Variants in NAB1 observed in about 807,000 individuals in gnomAD.
NAB1 encodes NGFI-A binding protein 1.
Under a neutral mutation model 49.9 loss-of-function variants are expected in NAB1, and 25 were observed. That is an observed-to-expected ratio of 0.50 (90% CI 0.37 to 0.70). The LOEUF is 0.70. Ranked by LOEUF, NAB1 falls within the 30% of genes least tolerant of loss-of-function variation. NAB1 has a pLI of 0.00. For missense variants in NAB1, 489 were observed against 575.9 expected (o/e 0.85, Z 1.54); for synonymous variants, 198 against 215.6 (o/e 0.92, Z 0.71).
Position 190,649,160 on chromosome 2 carries a change from G to T in NAB1, c.-534G>T. On this transcript the variant is annotated 5_prime_UTR_variant, in exon 1 of 10. Transcript: ENST00000337386. This position sits in a 1 kb window ranked among gnomAD's most constrained non-coding sequence, Gnocchi z 6.1. ...CCAAGCGAGCGCCGTCGGGGCGGGTGGGCGGGAAGAAGCGGCGGGCCCGAG... is the reference window on the plus strand; with the variant it reads ...CCAAGCGAGCGCCGTCGGGGCGGGTTGGCGGGAAGAAGCGGCGGGCCCGAG... 6.7e-6 allele frequency: 1 copy of T among 148,990 alleles called. No homozygotes were observed. The highest frequency in any genetic ancestry group is 1.9e-4 in the South Asian group (1 of 5,342). 9.2% of individuals were successfully genotyped at this position (148,990 alleles called of 1,614,324 possible).
chr2:190,675,939 T>C lies in NAB1; in HGVS notation c.1005+2787T>C, dbSNP rs558869265. Reference sequence around the variant, plus strand: ...AAATATATAGTATTGGTATGAATCCTTGTCTGTGCTGTACTATAAGTCAAA... The same window carrying C: ...AAATATATAGTATTGGTATGAATCCCTGTCTGTGCTGTACTATAAGTCAAA... On this transcript the variant is annotated intron_variant, in intron 6 of 9. Transcript: ENST00000337386. The surrounding 1 kb of genome is among the most constrained non-coding windows in gnomAD (Gnocchi z 5.2). 6.2e-4 allele frequency among the ~76,000 whole-genome samples: 95 copies of C among 152,358 alleles called. No individual in the cohort carries two copies. The highest frequency in any genetic ancestry group is 3.4e-3 in the Middle Eastern group (1 of 294).
At chr2:190,656,431 C>G (rs1693922909) in intron 3 of NAB1, among the ~76,000 whole-genome samples, 1 of 152,186 alleles carries the variant, frequency 6.6e-6, no homozygotes, top group South Asian at 2.1e-4. Context: ...GAAACATTCT[C>G]TTAAAGCAAA....
At chr2:190,688,174 A>G (rs1356843468) in intron 9 of NAB1, among the ~76,000 whole-genome samples, 2 of 152,222 alleles carry the variant, frequency 1.3e-5, no homozygotes, top group East Asian at 3.8e-4. Context: ...GATTTTATAG[A>G]TGAGGTAGCT....
At position 190,678,809 on chromosome 2, in the gene NAB1, A is replaced by G. The variant is rs1183827025; in HGVS notation, c.1006-4929A>G. Among the ~76,000 whole-genome samples, 1 of 152,224 alleles carries G rather than the reference A, an allele frequency of 6.6e-6. No individual in the cohort carries two copies. The highest frequency in any genetic ancestry group is 1.9e-4 in the East Asian group (1 of 5,204). The stretch of plus-strand genomic sequence containing the variant: ...TTCCCCTCTGGATCAGAAAAAACAG[A>G]AGCATTACAATATGCTATTCATACA... On this transcript the variant is annotated intron_variant, in intron 6 of 9. Coordinates refer to ENST00000337386, the MANE Select transcript of NAB1 (RefSeq NM_005966.4). This position sits in a 1 kb window ranked among gnomAD's most constrained non-coding sequence, Gnocchi z 4.9.
rs1001095984 is a variant in NAB1, at chr2:190,685,385, A to G, written c.1096-91A>G. 8.5e-7 allele frequency: 1 copy of G among 1,171,008 alleles called. No individual in the cohort carries two copies. The highest frequency in any genetic ancestry group is 1.2e-6 in the Non-Finnish European group (1 of 846,322). The allele number at this position is 1,171,008 out of a possible 1,614,324, so 72.5% of individuals were successfully genotyped here. ...GAACTAATTTTAATGAATACTAAAT[A>G]TATTTGCTGGAGTCTGAAATTGGCA... On this transcript the variant is annotated intron_variant, in intron 7 of 9. Transcript: ENST00000337386. The surrounding 1 kb of genome is among the most constrained non-coding windows in gnomAD (Gnocchi z 4.5).
Position 190,667,691 on chromosome 2 carries a change from T to G in NAB1, c.820-2635T>G, listed in dbSNP as rs551525232. Among the ~76,000 whole-genome samples the G allele has an allele frequency of 3.2e-4, 49 of 152,272 alleles. No homozygotes were observed. Among genetic ancestry groups the G allele is most frequent in the African/African-American group, 1.1e-3 (47 of 41,552 alleles). The stretch of plus-strand genomic sequence containing the variant: ...CCAAATTAATTGTCTCAGAACAAAT[T>G]AATATAAATTACAGTTATAAATTTG... On this transcript the variant is annotated intron_variant, in intron 4 of 9. Transcript: ENST00000337386. The surrounding 1 kb of genome is among the most constrained non-coding windows in gnomAD (Gnocchi z 4.4).
At chr2:190,660,322 G>A (rs1341885949) in intron 4 of NAB1, among the ~76,000 whole-genome samples, 1 of 152,036 alleles carries the variant, frequency 6.6e-6, no homozygotes, top group East Asian at 1.9e-4. Context: ...AATAAAACTA[G>A]GTTTTAAATA....
chr2:190,661,816 C>T (rs1694242078), intron 4 of NAB1, among the ~76,000 whole-genome samples: 1 of 152,158 alleles, frequency 6.6e-6, no homozygotes, highest in African/African-American at 2.4e-5. Flanking sequence ...GTTACTTGTA[C>T]TCCAGTATGT....
intron 6 of NAB1, among the ~76,000 whole-genome samples, chr2:190,681,935 T>C (rs965403932): frequency 2.6e-5 from 4 of 152,350 alleles, no homozygotes; most frequent in South Asian, 4.1e-4. Flanking sequence ...GCTGCAAATA[T>C]ATAGCTTATC....
In NAB1 at chr2:190,685,648, TA is replaced by T; in HGVS notation, c.1258+11del. On this transcript the variant is annotated intron_variant, in intron 8 of 9. Coordinates refer to ENST00000337386, the MANE Select transcript of NAB1 (RefSeq NM_005966.4). This position sits in a 1 kb window ranked among gnomAD's most constrained non-coding sequence, Gnocchi z 4.5. ...AACTCAGATGGACAAGGTACATCTT[TA>T]GAATATCCTATGCCTTTAGGGCCAC... 1.3e-6 allele frequency: 2 copies of T among 1,590,796 alleles called. No individual in the cohort carries two copies. The highest frequency in any genetic ancestry group is 8.6e-7 in the Non-Finnish European group (1 of 1,168,976).
rs1245723120 is a variant in NAB1 at position 190,655,985 on chromosome 2, A to G, written c.-188A>G. 6.6e-6 allele frequency: 1 copy of G among 152,242 alleles called. No homozygotes were observed. The highest frequency in any genetic ancestry group is 1.5e-5 in the Non-Finnish European group (1 of 68,048). The allele number at this position is 152,242 out of a possible 1,614,324, so 9.4% of individuals were successfully genotyped here. On this transcript the variant is annotated 5_prime_UTR_variant, in exon 3 of 10. Coordinates refer to ENST00000337386, the MANE Select transcript of NAB1 (RefSeq NM_005966.4). ...TGGGATTCTTTTTATAGGACTGAGC[A>G]GGGGGAGGAACATTTAAGCTGATGG...
intron 4 of NAB1, among the ~76,000 whole-genome samples, chr2:190,665,419 G>T (rs187525230): frequency 3.2e-4 from 48 of 151,632 alleles, no homozygotes; most frequent in African/African-American, 1.1e-3. Flanking sequence ...CTCAAGTTTC[G>T]TGGTTATTTT....
At chr2:190,653,177 T>C (rs1344093726) in intron 2 of NAB1, among the ~76,000 whole-genome samples, 1 of 152,202 alleles carries the variant, frequency 6.6e-6, no homozygotes, top group Non-Finnish European at 1.5e-5. Flanking sequence ...CTCAGGCCCC[T>C]GTACCTTCAA....
chr2:190,661,283 A>G (rs1268477094), intron 4 of NAB1, among the ~76,000 whole-genome samples: 1 of 152,206 alleles, frequency 6.6e-6, no homozygotes, highest in Non-Finnish European at 1.5e-5. Flanking sequence ...TTGAGATCAG[A>G]TAATTGGTTA....
rs1695904477 is a variant in NAB1, at chr2:190,690,621, CATT to C, written c.*292_*294del. On this transcript the variant is annotated 3_prime_UTR_variant, in exon 10 of 10. Coordinates refer to ENST00000337386, the MANE Select transcript of NAB1 (RefSeq NM_005966.4). The stretch of plus-strand genomic sequence containing the variant: ...CTTACAAATCAATATTGTAAGCATT[CATT>C]ATTTAAGAATGTACAATGTATTTGT... 3.7e-6 allele frequency: 1 copy of C among 267,816 alleles called. No homozygotes were observed. The highest frequency in any genetic ancestry group is 4.8e-5 in the Admixed American group (1 of 20,820). The allele number at this position is 267,816 out of a possible 1,614,324, so 16.6% of individuals were successfully genotyped here. A position where few individuals can be genotyped will look rare whatever the true frequency, so the allele number is the denominator to read the frequency against.
At position 190,686,603 on chromosome 2, in the gene NAB1, A is replaced by T. The variant is rs1695619651; in HGVS notation, c.1259-598A>T. Among the ~76,000 whole-genome samples, 1 of 152,158 alleles carries T rather than the reference A, an allele frequency of 6.6e-6. No individual in the cohort carries two copies. The highest frequency in any genetic ancestry group is 1.5e-5 in the Non-Finnish European group (1 of 68,020). ...GAGGTCTTGTTTAACTTCTCCAATT[A>T]TCCTTAACAGTTAAGAAGCAAAGGC... On this transcript the variant is annotated intron_variant, in intron 8 of 9. Coordinates refer to ENST00000337386, the MANE Select transcript of NAB1 (RefSeq NM_005966.4). The surrounding 1 kb of genome is among the most constrained non-coding windows in gnomAD (Gnocchi z 5.5).
rs199705631 is a variant in NAB1 at position 190,659,789 on chromosome 2, C to T, written c.613C>T (p.Arg205Trp). 1.9e-6 allele frequency: 3 copies of T among 1,614,056 alleles called. No individual in the cohort carries two copies. Among genetic ancestry groups the T allele is most frequent in the South Asian group, 2.2e-5 (2 of 91,070 alleles). The change falls in exon 4 of 10, where the codon CGG becomes TGG. Residue 205 changes from arginine to tryptophan, a missense_variant. Transcript: ENST00000337386. The surrounding 1 kb of genome is among the most constrained non-coding windows in gnomAD (Gnocchi z 6.2). ...AALSVAECVE[R>W]MAPTLPKSDL... The stretch of plus-strand genomic sequence containing the variant: ...GCTCTCTGTGGCTGAGTGTGTGGAG[C>T]GGATGGCCCCCACACTGCCAAAAAG...
rs1339388569 is a variant in NAB1 at position 190,692,202 on chromosome 2, C to T, written c.*1869C>T. ...ATCTCAGTAGTTTCATGAAACGTTT[C>T]CTGTATTCTAATCTATTTTGAAACA... On this transcript the variant is annotated 3_prime_UTR_variant, in exon 10 of 10. Transcript: ENST00000337386. This position sits in a 1 kb window ranked among gnomAD's most constrained non-coding sequence, Gnocchi z 5.2. 6.6e-6 allele frequency: 1 copy of T among 152,472 alleles called. No homozygotes were observed. The highest frequency in any genetic ancestry group is 2.4e-5 in the African/African-American group (1 of 41,398). 9.4% of individuals were successfully genotyped at this position (152,472 alleles called of 1,614,324 possible). A position where few individuals can be genotyped will look rare whatever the true frequency, so the allele number is the denominator to read the frequency against.
chr2:190,664,586 C>CTTTT (rs71027237), intron 4 of NAB1, among the ~76,000 whole-genome samples: 1,854 of 61,138 alleles, frequency 0.03, 280 homozygotes, highest in African/African-American at 0.053. Context: ...TTCTTCTTTC[C>CTTTT]TTTTTTTTTT....
Sources: gnomAD v4.1 joint callset for allele counts (sites outside exome capture counted in the v4.1 genomes callset) on GRCh38, gnomAD v4.1.1 for gene constraint, Gnocchi (gnomAD v3.1) non-coding constraint, MANE v1.5 for transcripts, NCBI Gene and HGNC (gene_info 2026-07-23, HGNC 2026-07-21) for gene names.